Variants in PDE4D observed in about 807,000 individuals in gnomAD.
The protein encoded by PDE4D is phosphodiesterase 4D.
A neutral mutation model predicts 87.4 loss-of-function variants in PDE4D; 24 were observed. The ratio of observed to expected loss-of-function variants is 0.27; its 90% CI spans 0.20 to 0.39. PDE4D has a LOEUF of 0.39. Among genes scored for constraint, PDE4D ranks in the 10% least tolerant of loss-of-function variants. PDE4D has a pLI of 1.00. For missense variants in PDE4D, 714 were observed against 1,041.0 expected, an observed-to-expected ratio of 0.69 and a Z score of 4.32; for synonymous variants, 384 against 383.2, an observed-to-expected ratio of 1.00 and a Z score of -0.02.
chr5:60,153,987 T>G (rs1216076562), intron 2 of PDE4D, among the ~76,000 whole-genome samples: 1 of 151,822 alleles, frequency 6.6e-6, no homozygotes, highest in South Asian at 2.1e-4. Flanking sequence ...CTTAAATTAT[T>G]TTAAGATTGT....
intron 1 of PDE4D, among the ~76,000 whole-genome samples, chr5:60,473,528 A>G (rs776551661): frequency 6.6e-6 from 1 of 152,238 alleles, no homozygotes; most frequent in Non-Finnish European, 1.5e-5. Context: ...TGGTAAATTC[A>G]GATGAAGAAT....
intron 3 of PDE4D, among the ~76,000 whole-genome samples, chr5:59,905,153 G>A (rs1375832971): frequency 1.3e-5 from 2 of 152,134 alleles, no homozygotes; most frequent in Non-Finnish European, 2.9e-5. Context: ...AAGATCCATG[G>A]TCTAATATTA....
chr5:59,488,611 G>T (rs1228108471), intron 1 of PDE4D, among the ~76,000 whole-genome samples: 2 of 151,568 alleles, frequency 1.3e-5, no homozygotes, highest in Admixed American at 6.6e-5. Flanking sequence ...TTATGAAAAA[G>T]AACTAGATAT....
intron 1 of PDE4D, among the ~76,000 whole-genome samples, chr5:59,241,527 G>A (rs1407052635): frequency 6.6e-6 from 1 of 152,154 alleles, no homozygotes; most frequent in Non-Finnish European, 1.5e-5. Context: ...GAGAATATTT[G>A]TTAGAGAGAA....
At chr5:59,127,280 A>G (rs1775539539) in intron 5 of PDE4D, among the ~76,000 whole-genome samples, 1 of 152,194 alleles carries the variant, frequency 6.6e-6, no homozygotes, top group South Asian at 2.1e-4. Context: ...ATCAACACAC[A>G]TTTAAAGCAT....
chr5:60,449,611 T>A (rs923895459), intron 1 of PDE4D, among the ~76,000 whole-genome samples: 1 of 151,270 alleles, frequency 6.6e-6, no homozygotes, highest in African/African-American at 2.4e-5. Context: ...ACCTGCACAT[T>A]GTGCACATGT....
At chr5:59,666,178 C>G (rs1391570576) in intron 1 of PDE4D, among the ~76,000 whole-genome samples, 1 of 152,146 alleles carries the variant, frequency 6.6e-6, no homozygotes, top group African/African-American at 2.4e-5. Flanking sequence ...CCAGGCTGGT[C>G]TCGAACTCCT....
chr5:60,397,365 A>G (rs1035681670), intron 1 of PDE4D, among the ~76,000 whole-genome samples: 1 of 152,250 alleles, frequency 6.6e-6, no homozygotes, highest in African/African-American at 2.4e-5. Flanking sequence ...CATTATTCAC[A>G]ATAGCCAAGA....
intron 1 of PDE4D, among the ~76,000 whole-genome samples, chr5:59,379,378 T>C (rs929096322): frequency 1.3e-5 from 2 of 152,206 alleles, no homozygotes; most frequent in African/African-American, 4.8e-5. Context: ...GAATGATGAA[T>C]ATTCATGATA....
At chr5:59,772,586 C>G (rs1763685497) in intron 1 of PDE4D, among the ~76,000 whole-genome samples, 1 of 152,144 alleles carries the variant, frequency 6.6e-6, no homozygotes, top group Non-Finnish European at 1.5e-5. Context: ...GGTTCTGACA[C>G]AAAAAGTGTG....
chr5:60,290,872 T>C (rs1752832192), intron 1 of PDE4D, among the ~76,000 whole-genome samples: 1 of 152,066 alleles, frequency 6.6e-6, no homozygotes, highest in Non-Finnish European at 1.5e-5. Flanking sequence ...GGCATAATGA[T>C]TTTTAAAAAT....
chr5:60,187,246 A>G (rs757199815), intron 1 of PDE4D, among the ~76,000 whole-genome samples: 23 of 152,192 alleles, frequency 1.5e-4, no homozygotes, highest in Non-Finnish European at 2.9e-4. Context: ...CTGATCCACA[A>G]TGGAAAGTTC....
At chr5:60,482,708 G>C (rs1011254338) in intron 1 of PDE4D, among the ~76,000 whole-genome samples, 2 of 152,140 alleles carry the variant, frequency 1.3e-5, no homozygotes, top group African/African-American at 4.8e-5. Context: ...ATATGTTATG[G>C]CAGTTAACAT....
chr5:59,175,781 A>ATTTTTTTTTTTTTTTTTT (rs57572403), intron 5 of PDE4D, among the ~76,000 whole-genome samples: 1 of 94,592 alleles, frequency 1.1e-5, no homozygotes, highest in African/African-American at 4.0e-5. Flanking sequence ...CCCGGCCTCC[A>ATTTTTTTTTTTTTTTTTT]TTTTTTTTTT....
At position 60,304,630 on chromosome 5, in the gene PDE4D, C is replaced by T. The variant is rs1213691996; in HGVS notation, c.-89-118943G>A. Among the ~76,000 whole-genome samples, 3 of 118,322 alleles carry T rather than the reference C, an allele frequency of 2.5e-5. No individual in the cohort carries two copies. In the East Asian group the frequency reaches 7.4e-4, roughly 29 times the overall value. 77.6% of individuals were successfully genotyped at this position (118,322 alleles called of 152,430 possible). A position where few individuals can be genotyped will look rare whatever the true frequency, so the allele number is the denominator to read the frequency against. On this transcript the variant is annotated intron_variant, in intron 1 of 16. Transcript: ENST00000502484. Reference sequence around the variant, plus strand: ...ACTGCAGTCCGCAGTCCGGCCTGGGCGACAGAGCGAGACTCCGTCTCAAAA... The same window carrying T: ...ACTGCAGTCCGCAGTCCGGCCTGGGTGACAGAGCGAGACTCCGTCTCAAAA...
At chr5:60,337,314 C>G (rs1757856527) in intron 1 of PDE4D, among the ~76,000 whole-genome samples, 1 of 139,530 alleles carries the variant, frequency 7.2e-6, no homozygotes, top group Non-Finnish European at 1.6e-5. Flanking sequence ...GCCTGGGCAA[C>G]AGAGAGAGAC....
intron 5 of PDE4D, among the ~76,000 whole-genome samples, chr5:59,159,387 C>T (rs546098500): frequency 3.7e-4 from 57 of 152,220 alleles, no homozygotes; most frequent in Non-Finnish European, 6.9e-4. Context: ...CCTGCCTCAG[C>T]CTCCCAAAGT....
intron 2 of PDE4D, among the ~76,000 whole-genome samples, chr5:59,204,627 A>G (rs1748329458): frequency 6.6e-6 from 1 of 152,252 alleles, no homozygotes; most frequent in African/African-American, 2.4e-5. Flanking sequence ...AGGTTTGAGT[A>G]CAAAGCTGAG....
chr5:60,499,328 A>G (rs1445846054), intron 1 of PDE4D, among the ~76,000 whole-genome samples: 10 of 152,220 alleles, frequency 6.6e-5, no homozygotes, highest in South Asian at 2.1e-4. Flanking sequence ...ATAAGGAAAC[A>G]GAGGAAACAA....
Sources: gnomAD v4.1 joint callset for allele counts (sites outside exome capture counted in the v4.1 genomes callset) on GRCh38, gnomAD v4.1.1 for gene constraint, MANE v1.5 for transcripts, NCBI Gene and HGNC (gene_info 2026-07-23, HGNC 2026-07-21) for gene names.